The following RHD variants were observed in gnomAD, a reference collection of about 807,000 sequenced individuals.
RHD encodes the protein Rh blood group D antigen.
A neutral mutation model predicts 45.5 loss-of-function variants in RHD; 16 were observed. The ratio of observed to expected loss-of-function variants is 0.35; its 90% confidence interval spans 0.24 to 0.53. The LOEUF is 0.53. Among genes scored for constraint, RHD ranks in the 20% least tolerant of loss-of-function variants. The probability of loss-of-function intolerance (pLI) is 0.92; values close to 1 mark genes in which losing one functional copy is unlikely to be tolerated. For synonymous variants in RHD, 131 were observed against 217.5 expected (o/e 0.60, Z 3.50); for missense variants, 306 against 532.0 (o/e 0.58, Z 4.18).
At chr1:25,272,798 C>T in intron 1 of RHD, 103 bp downstream of exon 1, 1 of 1,287,648 alleles carries the variant, frequency 7.8e-7, no homozygotes, top group Non-Finnish European at 1.1e-6. Context: ...TCTACAAAAT[C>T]CCAAGGAAAA....
At chr1:25,286,591 C>T (rs1268245478) in intron 2 of RHD, among the ~76,000 whole-genome samples, 1 of 133,704 alleles carries the variant, frequency 7.5e-6, no homozygotes, top group Non-Finnish European at 1.8e-5. Context: ...TCGAGACCAT[C>T]CTGGCTAACT....
chr1:25,321,145 T>G (rs1169869966), intron 8 of RHD, among the ~76,000 whole-genome samples: 1 of 130,518 alleles, frequency 7.7e-6, no homozygotes, highest in Non-Finnish European at 1.8e-5. Flanking sequence ...ACAAGTGGAA[T>G]CTTAAGCTGA....
intron 6 of RHD, among the ~76,000 whole-genome samples, chr1:25,306,370 T>C (rs1404381866): frequency 7.6e-6 from 1 of 131,796 alleles, no homozygotes; most frequent in East Asian, 1.9e-4. Flanking sequence ...GGGACCTTGT[T>C]AGAAATGCTG....
In RHD at chr1:25,278,736, A is replaced by G. The variant is rs1641226635; in HGVS notation, c.149-5837A>G. 2.3e-5 allele frequency among the ~76,000 whole-genome samples: 3 copies of G among 131,916 alleles called. 1 individual carries two copies. Among genetic ancestry groups the G allele is most frequent in the Non-Finnish European group, 3.6e-5 (2 of 55,664 alleles). 86.5% of individuals were successfully genotyped at this position (131,916 alleles called of 152,430 possible). A position where few individuals can be genotyped will look rare whatever the true frequency, so the allele number is the denominator to read the frequency against. On this transcript the variant is annotated intron_variant, in intron 1 of 9. Coordinates refer to ENST00000328664, the MANE Select transcript of RHD (RefSeq NM_016124.6). ...CTCAAAGGCAGAGAGAGGGGCTACT[A>G]GAAGACAGAGGAGTTTTCCCAGTGA...
intron 8 of RHD, among the ~76,000 whole-genome samples, chr1:25,318,671 CAT>C (rs1486909919): frequency 7.5e-6 from 1 of 132,606 alleles, no homozygotes; most frequent in African/African-American, 2.6e-5. Flanking sequence ...GTTAGACACC[CAT>C]ATATGTGTCC....
rs1326459980 is a variant in RHD, at chr1:25,288,142, C to T, written c.336-2499C>T. ...AGGTGATCCTCCTGCCTCAGCCTCC[C>T]AAGTAGCTGGGACTGTGGGTGCACA... On this transcript the variant is annotated intron_variant, in intron 2 of 9. Coordinates refer to ENST00000328664, the MANE Select transcript of RHD (RefSeq NM_016124.6). 3.0e-5 allele frequency among the ~76,000 whole-genome samples: 4 copies of T among 132,356 alleles called. 1 individual carries two copies. The highest frequency in any genetic ancestry group is 2.3e-4 in the South Asian group (1 of 4,332). 86.8% of individuals were successfully genotyped at this position (132,356 alleles called of 152,430 possible). A position where few individuals can be genotyped will look rare whatever the true frequency, so the allele number is the denominator to read the frequency against.
At position 25,321,899 on chromosome 1, in the gene RHD, A is replaced by T. The variant is rs749656573; in HGVS notation, c.1164A>T (p.Leu388=). 4.1e-5 allele frequency: 53 copies of T among 1,307,582 alleles called. 17 individuals carry two copies. Among genetic ancestry groups the T allele is most frequent in the Admixed American group, 5.4e-5 (3 of 55,622 alleles). The allele number at this position is 1,307,582 out of a possible 1,614,324, so 81.0% of individuals were successfully genotyped here. Residue 388 remains leucine (L), a synonymous_variant, in exon 9 of 10, where the codon CTA becomes CTT. Coordinates refer to ENST00000328664, the MANE Select transcript of RHD (RefSeq NM_016124.6). ...LMSGLLTGLL[L]NLKIWKAPHE... is the part of the protein sequence containing the mutation. ...TATGCATTTAAACAGGTTTGCTCCT[A>T]AATCTTAAAATATGGAAAGCACCTC...
chr1:25,285,285 C>A (rs1641874979), intron 2 of RHD, among the ~76,000 whole-genome samples: 1 of 133,800 alleles, frequency 7.5e-6, no homozygotes, highest in East Asian at 1.9e-4. Flanking sequence ...CAGGCATGTG[C>A]CACCGCGCCT....
chr1:25,312,919 CTAAAA>C (rs1644225367), intron 7 of RHD, among the ~76,000 whole-genome samples: 1 of 3,618 alleles, frequency 2.8e-4, no homozygotes, highest in Non-Finnish European at 1.0e-3. Flanking sequence ...AATCCCATCT[CTAAAA>C]AAAAAAAAAA....
In RHD at chr1:25,287,177, A is replaced by G. The variant is rs1475390276; in HGVS notation, c.335+2418A>G. Among the ~76,000 whole-genome samples the G allele has an allele frequency of 1.0e-4, 14 of 133,908 alleles. 3 individuals carry two copies. The highest frequency in any genetic ancestry group is 7.9e-4 in the Admixed American group (11 of 13,914). The allele number at this position is 133,908 out of a possible 152,430, so 87.8% of individuals were successfully genotyped here. A position where few individuals can be genotyped will look rare whatever the true frequency, so the allele number is the denominator to read the frequency against. ...CACGCACACATGCACGCATACACAC[A>G]CTGTGTCCACCTGGGAAGTGACAAA... On this transcript the variant is annotated intron_variant, in intron 2 of 9. Transcript: ENST00000328664.
At chr1:25,306,790 T>G in intron 7 of RHD, 61 bp downstream of exon 7, 1 of 1,324,922 alleles carries the variant, frequency 7.5e-7, no homozygotes, top group East Asian at 2.3e-5. Context: ...GGAAGAAATG[T>G]GTGCAGAGTC....
intron 1 of RHD, among the ~76,000 whole-genome samples, chr1:25,280,495 G>A (rs563588292): frequency 1.6e-5 from 2 of 127,684 alleles, no homozygotes; most frequent in African/African-American, 5.3e-5. Context: ...TAGTAGAGAC[G>A]GGGTTTCACC....
chr1:25,315,273 T>C (rs377710254), intron 7 of RHD, among the ~76,000 whole-genome samples: 4 of 129,514 alleles, frequency 3.1e-5, no homozygotes, highest in African/African-American at 1.1e-4. Context: ...ATTCAACAAA[T>C]ATTTCCCTGA....
chr1:25,284,941 G>A (rs1641835476), intron 2 of RHD, among the ~76,000 whole-genome samples, 182 bp downstream of exon 2: 1 of 135,028 alleles, frequency 7.4e-6, no homozygotes, highest in African/African-American at 2.6e-5. Flanking sequence ...TGGGCATCCT[G>A]TATTTTACTG....
intron 7 of RHD, chr1:25,307,043 C>A: frequency 2.9e-6 from 1 of 342,364 alleles, no homozygotes; most frequent in Non-Finnish European, 6.0e-6. Context: ...TGGTTCAGGT[C>A]GTGATGCAGA....
intron 9 of RHD, among the ~76,000 whole-genome samples, chr1:25,322,589 C>T (rs543306416): frequency 7.6e-6 from 1 of 131,620 alleles, no homozygotes; most frequent in Admixed American, 7.4e-5. Context: ...AGGAGAATCA[C>T]TTGAACCTGG....
chr1:25,283,923 T>C (rs2124619214), intron 1 of RHD, among the ~76,000 whole-genome samples: 1 of 134,244 alleles, frequency 7.4e-6, no homozygotes, highest in South Asian at 2.2e-4. Context: ...TCTCTTCCAC[T>C]CACCTGCCAC....
chr1:25,314,460 T>G lies in RHD; in HGVS notation c.1074-2540T>G, dbSNP rs1197530013. On this transcript the variant is annotated intron_variant, in intron 7 of 9. Coordinates refer to ENST00000328664, the MANE Select transcript of RHD (RefSeq NM_016124.6). ...ATTTGTAGGAATTCCTTACGTATCC[T>G]GGATATGAATCCCACTTTGTGCGTT... Among the ~76,000 whole-genome samples the G allele has an allele frequency of 2.3e-5, 3 of 132,852 alleles. 1 individual carries two copies. Among genetic ancestry groups the G allele is most frequent in the African/African-American group, 7.7e-5 (3 of 39,042 alleles). The allele number at this position is 132,852 out of a possible 152,430, so 87.2% of individuals were successfully genotyped here.
chr1:25,290,259 G>A (rs1642372434), intron 2 of RHD, among the ~76,000 whole-genome samples: 1 of 126,586 alleles, frequency 7.9e-6, no homozygotes, highest in African/African-American at 2.7e-5. Context: ...TTGAGCATCC[G>A]AATGATGGCA....
Sources: allele counts gnomAD v4.1 joint callset (sites outside exome capture counted in the v4.1 genomes callset), GRCh38; gene constraint gnomAD v4.1.1; transcripts MANE v1.5; gene names NCBI Gene and HGNC (gene_info 2026-07-23, HGNC 2026-07-21).